Variants in PSD3 observed in about 807,000 individuals in gnomAD.
The protein encoded by PSD3 is pleckstrin and Sec7 domain containing 3.
Under a neutral mutation model 105.5 loss-of-function variants are expected in PSD3, and 49 were observed. That is an observed-to-expected ratio of 0.46 (90% CI 0.37 to 0.59). The LOEUF (loss-of-function observed/expected upper bound fraction) is 0.59. PSD3 is among the 20% of genes least tolerant of loss of function. The pLI, the probability that PSD3 is intolerant of heterozygous loss-of-function variation, is 0.00. For missense variants in PSD3, 1,561 were observed against 1,263.8 expected (o/e 1.24, Z -3.57); for synonymous variants, 557 against 457.8 (o/e 1.22, Z -2.77).
chr8:18,585,849 C>T (rs987551139), intron 12 of PSD3, among the ~76,000 whole-genome samples: 2 of 152,108 alleles, frequency 1.3e-5, no homozygotes, highest in Non-Finnish European at 2.9e-5. Context: ...TAATTAACTG[C>T]TCCAAATCAG....
chr8:18,608,561 A>G (rs1805030825), intron 11 of PSD3, among the ~76,000 whole-genome samples: 1 of 152,200 alleles, frequency 6.6e-6, no homozygotes, highest in African/African-American at 2.4e-5. Flanking sequence ...TTTTCTCTTT[A>G]TTACTAATTT....
At chr8:18,886,371 A>T (rs1379740419) in intron 2 of PSD3, among the ~76,000 whole-genome samples, 10 of 152,152 alleles carry the variant, frequency 6.6e-5, no homozygotes, top group Non-Finnish European at 4.4e-5. Flanking sequence ...GATGACTGGG[A>T]ATTAAAGAAT....
At chr8:18,814,556 A>C (rs896466122) in intron 4 of PSD3, among the ~76,000 whole-genome samples, 8 of 152,364 alleles carry the variant, frequency 5.3e-5, no homozygotes, top group South Asian at 2.1e-4. Flanking sequence ...TCACATGAGA[A>C]TGTAATATGT....
chr8:19,041,869 G>C (rs1171413034), intron 1 of PSD3, among the ~76,000 whole-genome samples: 2 of 152,134 alleles, frequency 1.3e-5, no homozygotes, highest in African/African-American at 4.8e-5. Context: ...TTCCTATGTG[G>C]CTTTACAGAG....
intron 12 of PSD3, among the ~76,000 whole-genome samples, chr8:18,585,196 G>A (rs1803088290): frequency 6.6e-6 from 1 of 152,144 alleles, no homozygotes; most frequent in Non-Finnish European, 1.5e-5. Context: ...AAAGGTACCA[G>A]GGAAAGTAAG....
At chr8:18,567,420 C>A (rs964647718) in intron 14 of PSD3, among the ~76,000 whole-genome samples, 4 of 152,118 alleles carry the variant, frequency 2.6e-5, no homozygotes, top group Middle Eastern at 3.4e-3. Flanking sequence ...TTTAAGAGTT[C>A]ATATTTTAGT....
At chr8:18,920,404 A>C (rs553737953) in intron 2 of PSD3, among the ~76,000 whole-genome samples, 1 of 152,332 alleles carries the variant, frequency 6.6e-6, no homozygotes, top group African/African-American at 2.4e-5. Context: ...TTGTACCTAA[A>C]GGAGAATCAT....
intron 12 of PSD3, among the ~76,000 whole-genome samples, chr8:18,584,703 T>C (rs556685718): frequency 6.6e-4 from 100 of 152,298 alleles, no homozygotes; most frequent in Non-Finnish European, 1.0e-3. Flanking sequence ...TGGTTATTCT[T>C]TTAGATATGA....
At chr8:18,561,931 T>C (rs10503616) in intron 14 of PSD3, among the ~76,000 whole-genome samples, 12,000 of 152,142 alleles carry the variant, frequency 0.079, 588 homozygotes, top group South Asian at 0.18. Flanking sequence ...GGGCCAGAAA[T>C]TAGCTTTTTA....
intron 2 of PSD3, among the ~76,000 whole-genome samples, chr8:18,916,808 T>C (rs137972161): frequency 0.046 from 7,069 of 152,128 alleles, 203 homozygotes; most frequent in Admixed American, 0.08. Flanking sequence ...ACAACGAATA[T>C]ATGTATGAAG....
intron 4 of PSD3, among the ~76,000 whole-genome samples, chr8:18,827,144 C>T (rs1813259870): frequency 6.6e-6 from 1 of 152,222 alleles, no homozygotes; most frequent in Admixed American, 6.5e-5. Flanking sequence ...CAAAATACAG[C>T]TCCCTATACC....
At chr8:18,565,875 T>A (rs1394543478) in intron 14 of PSD3, among the ~76,000 whole-genome samples, 1 of 151,882 alleles carries the variant, frequency 6.6e-6, no homozygotes, top group African/African-American at 2.4e-5. Context: ...AACTGGGGGG[T>A]CCCTATTGGC....
intron 11 of PSD3, among the ~76,000 whole-genome samples, chr8:18,623,401 C>T (rs1454301944): frequency 8.3e-6 from 1 of 120,372 alleles, no homozygotes; most frequent in Non-Finnish European, 1.6e-5. Context: ...TGCTTGAGGC[C>T]AAGAGTTCAA....
At chr8:18,813,792 TA>T (rs1207681227) in intron 4 of PSD3, among the ~76,000 whole-genome samples, 1 of 152,142 alleles carries the variant, frequency 6.6e-6, no homozygotes, top group Admixed American at 6.5e-5. Flanking sequence ...AAACAGATAA[TA>T]GTATCATATT....
chr8:18,627,335 G>A (rs1474801820), intron 11 of PSD3, among the ~76,000 whole-genome samples: 1 of 151,950 alleles, frequency 6.6e-6, no homozygotes, highest in Non-Finnish European at 1.5e-5. Context: ...AAAACAGAGG[G>A]GAGAGTTACA....
intron 8 of PSD3, among the ~76,000 whole-genome samples, chr8:18,776,357 T>C (rs1209415517): frequency 7.0e-6 from 1 of 143,740 alleles, no homozygotes; most frequent in African/African-American, 2.6e-5. Context: ...TAAAAATATA[T>C]ATATCTAAAT....
chr8:18,646,422 T>C lies in PSD3; in HGVS notation c.2216+9220A>G, dbSNP rs554566124. ...AAGGAAATTACCATGAGTTGCCTTT[T>C]TGAAAGAAAACCAAATAATTTTATG... On this transcript the variant is annotated intron_variant, in intron 10 of 15. Coordinates refer to ENST00000327040, the MANE Select transcript of PSD3 (RefSeq NM_015310.4). 2.2e-3 allele frequency among the ~76,000 whole-genome samples: 333 copies of C among 152,248 alleles called. 1 individual carries two copies. Among genetic ancestry groups the C allele is most frequent in the Non-Finnish European group, 3.4e-3 (231 of 68,014 alleles).
intron 9 of PSD3, among the ~76,000 whole-genome samples, chr8:18,668,582 C>T (rs940577336): frequency 1.3e-5 from 2 of 152,200 alleles, no homozygotes; most frequent in African/African-American, 4.8e-5. Context: ...CAAGGTCATA[C>T]AGCAGAGCTG....
At chr8:19,042,012 C>T (rs1318605974) in intron 1 of PSD3, among the ~76,000 whole-genome samples, 1 of 151,924 alleles carries the variant, frequency 6.6e-6, no homozygotes, top group African/African-American at 2.4e-5. Context: ...TACATGAATT[C>T]CACTATCAAA....
Sources: gnomAD v4.1 joint callset for allele counts (sites outside exome capture counted in the v4.1 genomes callset) on GRCh38, gnomAD v4.1.1 for gene constraint, MANE v1.5 for transcripts, NCBI Gene and HGNC (gene_info 2026-07-23, HGNC 2026-07-21) for gene names.